The following RYR3 variants were observed in gnomAD, a reference collection of about 807,000 sequenced individuals.
The protein encoded by RYR3 is ryanodine receptor 3.
A neutral mutation model predicts 584.3 loss-of-function variants in RYR3; 207 were observed. The ratio of observed to expected loss-of-function variants is 0.35; its 90% CI spans 0.32 to 0.40. RYR3 has a LOEUF of 0.40. Ranked by LOEUF, RYR3 falls within the 10% of genes least tolerant of loss-of-function variation. RYR3 has a pLI of 1.00. For synonymous variants in RYR3, 2,416 were observed against 2,248.5 expected (o/e 1.07, Z -2.11); for missense variants, 5,616 against 6,089.2 (o/e 0.92, Z 2.59).
At chr15:33,498,598 A>G (rs555259212) in intron 2 of RYR3, among the ~76,000 whole-genome samples, 16 of 152,100 alleles carry the variant, frequency 1.1e-4, no homozygotes, top group African/African-American at 3.9e-4. Context: ...TCCTTGTTGG[A>G]TGAATAGTTT....
chr15:33,645,192 C>G (rs1566860132), intron 28 of RYR3, among the ~76,000 whole-genome samples: 1 of 152,122 alleles, frequency 6.6e-6, no homozygotes, highest in South Asian at 2.1e-4. Flanking sequence ...TAATCTATCC[C>G]CATCTTCTAA....
rs551606507 is a variant in RYR3, at chr15:33,543,496, T to A, written c.647-126T>A. 8.5e-5 allele frequency: 60 copies of A among 705,660 alleles called. 2 individuals carry two copies. In the South Asian group the frequency reaches 9.8e-4, roughly 11 times the overall value. 43.7% of individuals were successfully genotyped at this position (705,660 alleles called of 1,614,324 possible). On this transcript the variant is annotated intron_variant, in intron 7 of 103. Coordinates refer to ENST00000634891, the MANE Select transcript of RYR3 (RefSeq NM_001036.6). ...CCTGCATTCATGGAATATGTAGTTATCAAAATGTGTCTCTCTCAGTATTTA... is the reference window on the plus strand; with the variant it reads ...CCTGCATTCATGGAATATGTAGTTAACAAAATGTGTCTCTCTCAGTATTTA...
intron 67 of RYR3, among the ~76,000 whole-genome samples, chr15:33,798,804 GAA>G (rs2075764964): frequency 6.6e-6 from 1 of 152,210 alleles, no homozygotes; most frequent in Admixed American, 6.5e-5. Context: ...GATTAGATAA[GAA>G]TGTCCCTGAG....
At chr15:33,618,552 G>A (rs1414891322) in intron 19 of RYR3, among the ~76,000 whole-genome samples, 3 of 152,212 alleles carry the variant, frequency 2.0e-5, no homozygotes, top group African/African-American at 2.4e-5. Context: ...CAGTCTTAGC[G>A]ATAGGGGCTA....
intron 93 of RYR3, 143 bp from the exon 94 acceptor site, chr15:33,848,148 A>G: frequency 1.0e-6 from 1 of 1,000,074 alleles, no homozygotes; most frequent in South Asian, 1.5e-5. Flanking sequence ...TTTGGCTTTG[A>G]TCCCACAACT....
At chr15:33,664,589 GTATATA>G (rs139063789) in intron 36 of RYR3, among the ~76,000 whole-genome samples, 30 of 91,382 alleles carry the variant, frequency 3.3e-4, no homozygotes, top group African/African-American at 1.0e-3. Flanking sequence ...GTGTGTGTGT[GTATATA>G]TATATATATA....
intron 89 of RYR3, chr15:33,839,857 C>T (rs944238411): frequency 6.6e-6 from 1 of 152,080 alleles, no homozygotes; most frequent in Non-Finnish European, 1.5e-5. Flanking sequence ...ATCAGCATTC[C>T]CACAATATTC....
At chr15:33,741,672 G>GGC (rs1298207985) in intron 51 of RYR3, among the ~76,000 whole-genome samples, 2 of 152,138 alleles carry the variant, frequency 1.3e-5, no homozygotes, top group African/African-American at 2.4e-5. Context: ...GGAGTGCAGT[G>GGC]GTGCCATCTC....
chr15:33,687,697 G>T (rs940534500), intron 38 of RYR3, among the ~76,000 whole-genome samples: 5 of 152,102 alleles, frequency 3.3e-5, no homozygotes, highest in African/African-American at 4.8e-5. Flanking sequence ...ACAGCATGGT[G>T]CTGGTACCAA....
chr15:33,572,702 C>G, intron 12 of RYR3, among the ~76,000 whole-genome samples: 1 of 136,230 alleles, frequency 7.3e-6, no homozygotes. Flanking sequence ...GGGCTGGGCA[C>G]AATGGCTCAC....
intron 20 of RYR3, among the ~76,000 whole-genome samples, chr15:33,624,930 AT>A (rs1034358080): frequency 6.6e-6 from 1 of 152,196 alleles, no homozygotes; most frequent in African/African-American, 2.4e-5. Flanking sequence ...GTATGACCCT[AT>A]TACATTCATC....
intron 32 of RYR3, among the ~76,000 whole-genome samples, chr15:33,654,628 A>C (rs2062714363): frequency 6.6e-6 from 1 of 152,254 alleles, no homozygotes. Flanking sequence ...TGTGGACAAC[A>C]TCGCATAGGG....
At chr15:33,860,454 G>T in intron 100 of RYR3, 141 bp from the exon 101 acceptor site, 1 of 541,826 alleles carries the variant, frequency 1.8e-6, no homozygotes, top group Non-Finnish European at 3.3e-6. Flanking sequence ...GTAACACAAA[G>T]AAACACGAGT....
At chr15:33,833,795 G>T (rs973902101) in intron 86 of RYR3, among the ~76,000 whole-genome samples, 1 of 152,162 alleles carries the variant, frequency 6.6e-6, no homozygotes, top group Non-Finnish European at 1.5e-5. Context: ...CGTGATTTGG[G>T]AATGCAGGCA....
At chr15:33,410,786 C>A (rs2043349424) in intron 1 of RYR3, among the ~76,000 whole-genome samples, 1 of 152,200 alleles carries the variant, frequency 6.6e-6, no homozygotes, top group Non-Finnish European at 1.5e-5. Context: ...CTAATAAAGA[C>A]ATACCCAAGA....
intron 3 of RYR3, among the ~76,000 whole-genome samples, chr15:33,529,630 G>A (rs2054682444): frequency 6.6e-6 from 1 of 152,200 alleles, no homozygotes; most frequent in Non-Finnish European, 1.5e-5. Context: ...TTTGGGGAGG[G>A]GAGGGCTTAT....
At chr15:33,610,013 A>T (rs907435485) in intron 18 of RYR3, among the ~76,000 whole-genome samples, 4 of 152,162 alleles carry the variant, frequency 2.6e-5, no homozygotes, top group African/African-American at 9.7e-5. Context: ...GTGGTGAAGC[A>T]AGGTATTAAA....
At chr15:33,668,151 C>CAA (rs543583183) in intron 36 of RYR3, among the ~76,000 whole-genome samples, 39 of 131,728 alleles carry the variant, frequency 3.0e-4, no homozygotes, top group East Asian at 1.9e-3. Flanking sequence ...ACTGAAAATA[C>CAA]AAAAAAAAAA....
chr15:33,439,677 T>C (rs933751740), intron 1 of RYR3, among the ~76,000 whole-genome samples: 3 of 152,208 alleles, frequency 2.0e-5, no homozygotes, highest in Non-Finnish European at 2.9e-5. Context: ...GGACAAGTTA[T>C]TTAATCCTAA....
Sources: gnomAD v4.1 joint callset for allele counts (sites outside exome capture counted in the v4.1 genomes callset) on GRCh38, gnomAD v4.1.1 for gene constraint, MANE v1.5 for transcripts, NCBI Gene and HGNC (gene_info 2026-07-23, HGNC 2026-07-21) for gene names.